The following PEBP4 variants were observed in gnomAD, a reference collection of about 807,000 sequenced individuals.
PEBP4 encodes phosphatidylethanolamine-binding protein 4.
In PEBP4, 22 loss-of-function variants were observed where a neutral mutation model predicts 23.9. The ratio of observed to expected loss-of-function variants is 0.92; its 90% CI spans 0.66 to 1.31. The LOEUF is 1.31. PEBP4 is among the 40% of genes most tolerant of loss of function. The probability of loss-of-function intolerance (pLI) is 0.00; values close to 1 mark genes in which losing one functional copy is unlikely to be tolerated. For missense variants in PEBP4, 324 were observed against 281.7 expected, an observed-to-expected ratio of 1.15 and a Z score of -1.07; for synonymous variants, 112 against 99.3, an observed-to-expected ratio of 1.13 and a Z score of -0.76.
At chr8:22,740,272 T>G (rs1439201518) in intron 4 of PEBP4, among the ~76,000 whole-genome samples, 1 of 152,190 alleles carries the variant, frequency 6.6e-6, no homozygotes, top group Non-Finnish European at 1.5e-5. Context: ...CTGTGCTCAT[T>G]AGAAAGTGTG....
At chr8:22,918,542 G>T (rs978856268) in intron 3 of PEBP4, among the ~76,000 whole-genome samples, 1 of 152,124 alleles carries the variant, frequency 6.6e-6, no homozygotes, top group African/African-American at 2.4e-5. Context: ...TGCTCTGGAG[G>T]ACACCAGGTG....
At chr8:22,899,460 G>A (rs1285878615) in intron 3 of PEBP4, among the ~76,000 whole-genome samples, 1 of 152,234 alleles carries the variant, frequency 6.6e-6, no homozygotes, top group Admixed American at 6.5e-5. Context: ...ACATGAAAAG[G>A]AACCTGCTTT....
chr8:22,897,952 C>G (rs752030396), intron 3 of PEBP4: 2 of 152,238 alleles, frequency 1.3e-5, no homozygotes, highest in Non-Finnish European at 2.9e-5. Flanking sequence ...AGACCTCACT[C>G]TCAACCTCCA....
intron 4 of PEBP4, among the ~76,000 whole-genome samples, chr8:22,805,878 C>CTGAATGAA (rs59038661): frequency 0.026 from 3,866 of 151,330 alleles, 125 homozygotes; most frequent in African/African-American, 0.077. Flanking sequence ...TAAGCACATG[C>CTGAATGAA]TGAATGAATG....
intron 3 of PEBP4, among the ~76,000 whole-genome samples, chr8:22,861,590 G>A (rs1807779058): frequency 6.6e-6 from 1 of 152,196 alleles, no homozygotes; most frequent in Non-Finnish European, 1.5e-5. Context: ...ATTACATTGA[G>A]CAGAACTCAC....
chr8:22,728,497 T>TTTCCTTCC (rs537737810), intron 4 of PEBP4, among the ~76,000 whole-genome samples: 1 of 151,962 alleles, frequency 6.6e-6, no homozygotes, highest in African/African-American at 2.4e-5. Context: ...GAGATAGATC[T>TTTCCTTCC]TTCCTTCCTT....
chr8:22,781,793 G>T lies in PEBP4; in HGVS notation c.357+35844C>A, dbSNP rs558019713. Among the ~76,000 whole-genome samples, 10 of 152,338 alleles carry T rather than the reference G, an allele frequency of 6.6e-5. 1 individual carries two copies. In the South Asian group the frequency reaches 2.1e-3, roughly 32 times the overall value. On this transcript the variant is annotated intron_variant, in intron 4 of 6. Coordinates refer to ENST00000256404, the MANE Select transcript of PEBP4 (RefSeq NM_144962.3). The stretch of plus-strand genomic sequence containing the variant: ...CAGGGACCCCAGCTCACGGCTGGAG[G>T]TGCCCATGTTGGACTTCGGACATGG...
rs781285029 is a variant in PEBP4, at chr8:22,727,272, G to C, written c.358-52C>G. 3.8e-6 allele frequency: 6 copies of C among 1,576,284 alleles called. No homozygotes were observed. The East Asian group carries it at 1.3e-4, about 35-fold the overall frequency. The stretch of plus-strand genomic sequence containing the variant: ...AGGTTATGTCTTGGGCACACTTCAG[G>C]CCACGTGGGCTCTGCGGGATTGCTT... On this transcript the variant is annotated intron_variant, in intron 4 of 6. Coordinates refer to ENST00000256404, the MANE Select transcript of PEBP4 (RefSeq NM_144962.3).
At chr8:22,754,565 T>C (rs903724315) in intron 4 of PEBP4, among the ~76,000 whole-genome samples, 6 of 152,224 alleles carry the variant, frequency 3.9e-5, no homozygotes, top group African/African-American at 1.4e-4. Context: ...AGAGAGCCTT[T>C]TGCTCTTTTC....
chr8:22,725,281 A>G (rs1313924702), intron 5 of PEBP4, among the ~76,000 whole-genome samples: 1 of 152,088 alleles, frequency 6.6e-6, no homozygotes, highest in South Asian at 2.1e-4. Flanking sequence ...GCTTTAGTCT[A>G]TCCTGATGGA....
intron 6 of PEBP4, among the ~76,000 whole-genome samples, chr8:22,717,595 A>C (rs907891): frequency 0.39 from 59,814 of 152,024 alleles, 12,431 homozygotes; most frequent in African/African-American, 0.52. Flanking sequence ...GGTTGCTGAG[A>C]CCTTGAGGTT....
intron 3 of PEBP4, among the ~76,000 whole-genome samples, chr8:22,917,427 C>A (rs948298515): frequency 1.3e-5 from 2 of 152,158 alleles, no homozygotes; most frequent in Non-Finnish European, 2.9e-5. Context: ...CTGCCCACCC[C>A]CTTCCATTCT....
chr8:22,830,746 A>C (rs1277655158), intron 3 of PEBP4, among the ~76,000 whole-genome samples: 1 of 152,058 alleles, frequency 6.6e-6, no homozygotes, highest in Non-Finnish European at 1.5e-5. Flanking sequence ...TTGTCAATTC[A>C]GCCTCTCAAA....
intron 3 of PEBP4, among the ~76,000 whole-genome samples, chr8:22,901,699 T>G (rs1808713835): frequency 6.6e-6 from 1 of 152,216 alleles, no homozygotes; most frequent in South Asian, 2.1e-4. Context: ...AGGAGCACGC[T>G]GACAGAACCC....
upstream of PEBP4, among the ~76,000 whole-genome samples, chr8:22,929,512 C>G (rs1206356807): frequency 2.6e-5 from 4 of 152,222 alleles, no homozygotes; most frequent in African/African-American, 4.8e-5. Flanking sequence ...CTTCCTTACT[C>G]CACGTGCCAG....
chr8:22,725,007 G>C, intron 5 of PEBP4, 51 bp from the exon 6 acceptor site: 1 of 1,482,122 alleles, frequency 6.7e-7, no homozygotes, highest in Non-Finnish European at 9.4e-7. Context: ...ATACTACCGA[G>C]GGCAGAGCTC....
chr8:22,882,164 T>C (rs1428049266), intron 3 of PEBP4, among the ~76,000 whole-genome samples: 1 of 152,208 alleles, frequency 6.6e-6, no homozygotes, highest in African/African-American at 2.4e-5. Flanking sequence ...AAAATAAGCA[T>C]TTAGAACTGG....
At chr8:22,793,582 G>T (rs746209006) in intron 4 of PEBP4, among the ~76,000 whole-genome samples, 2 of 151,994 alleles carry the variant, frequency 1.3e-5, no homozygotes, top group Non-Finnish European at 2.9e-5. Flanking sequence ...CACCTGGTTG[G>T]TTGCATAATA....
chr8:22,928,316 G>T (rs1160440566), upstream of PEBP4, among the ~76,000 whole-genome samples: 1 of 152,230 alleles, frequency 6.6e-6, no homozygotes, highest in African/African-American at 2.4e-5. Flanking sequence ...GCTGCAGGGG[G>T]TGGGGGTAGG....
Sources: gnomAD v4.1 joint callset for allele counts (sites outside exome capture counted in the v4.1 genomes callset) on GRCh38, gnomAD v4.1.1 for gene constraint, MANE v1.5 for transcripts, NCBI Gene and HGNC (gene_info 2026-07-23, HGNC 2026-07-21) for gene names.